Variants in SLC66A2 observed in about 807,000 individuals in gnomAD.
SLC66A2 encodes the protein solute carrier family 66 member 2.
A neutral mutation model predicts 25.5 loss-of-function variants in SLC66A2; 23 were observed. That is an observed-to-expected ratio of 0.90 (90% CI 0.65 to 1.28). SLC66A2 has a LOEUF of 1.28. SLC66A2 is among the 50% of genes most tolerant of loss of function. The pLI is 0.00. For synonymous variants in SLC66A2, 193 were observed against 166.5 expected (o/e 1.16, Z -1.23); for missense variants, 396 against 373.1 (o/e 1.06, Z -0.51).
chr18:79,907,530 T>C (rs1179646466), intron 5 of SLC66A2, among the ~76,000 whole-genome samples: 1 of 152,064 alleles, frequency 6.6e-6, no homozygotes, highest in Non-Finnish European at 1.5e-5. Context: ...GTTTTGTATT[T>C]TAGTAGAGAT....
chr18:79,933,611 A>C (rs1275406980), intron 4 of SLC66A2, among the ~76,000 whole-genome samples: 2 of 152,234 alleles, frequency 1.3e-5, no homozygotes, highest in African/African-American at 4.8e-5. Flanking sequence ...AGCAGAACTG[A>C]AATTAAGAAA....
At chr18:79,922,933 G>A (rs1294220769) in intron 4 of SLC66A2, among the ~76,000 whole-genome samples, 1 of 151,688 alleles carries the variant, frequency 6.6e-6, no homozygotes, top group South Asian at 2.1e-4. Context: ...TGGCAGTGCA[G>A]TGAGGGCAGG....
chr18:79,908,690 G>A (rs1350516606), intron 5 of SLC66A2, among the ~76,000 whole-genome samples: 1 of 152,010 alleles, frequency 6.6e-6, no homozygotes, highest in African/African-American at 2.4e-5. Flanking sequence ...TCATGTTTTT[G>A]TTACTGTTTT....
Position 79,943,390 on chromosome 18 carries a change from C to T in SLC66A2, c.276G>A (p.Leu92=). The change falls in exon 3 of 6, where the codon CTG becomes CTA. Residue 92 remains leucine (L), a synonymous_variant. Transcript: ENST00000397778. ...CCACACGGACCTCGGTGCACAGCTT[C>T]AGCATCAGCAGCATGGTCAGGATCA... is the stretch of plus-strand genomic sequence containing the variant. ...AIMILTMLLM[L]KLCTEVRVAN... The T allele has an allele frequency of 6.2e-7, 1 of 1,614,222 alleles. No homozygotes were observed. The highest frequency in any genetic ancestry group is 1.3e-5 in the African/African-American group (1 of 75,072).
chr18:79,922,882 C>T (rs1310844919), intron 4 of SLC66A2, among the ~76,000 whole-genome samples: 1 of 125,102 alleles, frequency 8.0e-6, no homozygotes, highest in Non-Finnish European at 1.7e-5. Context: ...CATCAGAGGG[C>T]AGAGAGGCCA....
At position 79,950,200 on chromosome 18, in the gene SLC66A2, C is replaced by CA. The variant is rs200671670; in HGVS notation, c.203+523dup. On this transcript the variant is annotated intron_variant, in intron 2 of 5. Transcript: ENST00000397778. ...CACTCCCCTGTCTCTACAAAAAATA[C>CA]AAAAAAAACAATTAGCCGGGTGTGG... is the stretch of plus-strand genomic sequence containing the variant. Among the ~76,000 whole-genome samples the CA allele has an allele frequency of 2.8e-3, 431 of 151,640 alleles. 8 individuals are homozygous for CA. The highest frequency in any genetic ancestry group is 3.4e-3 in the Middle Eastern group (1 of 294).
At chr18:79,945,668 G>A (rs541799606) in intron 2 of SLC66A2, among the ~76,000 whole-genome samples, 1 of 152,332 alleles carries the variant, frequency 6.6e-6, no homozygotes, top group South Asian at 2.1e-4. Context: ...GGCACAGGCC[G>A]GAGGTGCAGG....
intron 4 of SLC66A2, 138 bp downstream of exon 4, chr18:79,933,831 G>C: frequency 1.5e-6 from 1 of 679,698 alleles, no homozygotes; most frequent in East Asian, 2.9e-5. Context: ...GAGTTGATTA[G>C]TTTGCTGTAG....
chr18:79,912,520 G>A (rs1249536367), intron 5 of SLC66A2, among the ~76,000 whole-genome samples: 2 of 151,468 alleles, frequency 1.3e-5, no homozygotes, highest in African/African-American at 2.4e-5. Context: ...GTGTCGCCAG[G>A]CCACGTGTCA....
chr18:79,922,553 G>C (rs1985376885), intron 4 of SLC66A2, among the ~76,000 whole-genome samples: 2 of 152,032 alleles, frequency 1.3e-5, no homozygotes, highest in African/African-American at 4.8e-5. Context: ...CATCCCTCCT[G>C]CACGATGTCA....
Position 79,906,124 on chromosome 18 carries a change from A to C in SLC66A2, c.609-1941T>G, listed in dbSNP as rs189649354. Among the ~76,000 whole-genome samples the C allele has an allele frequency of 2.0e-4, 31 of 152,290 alleles. 1 individual carries two copies. The highest frequency in any genetic ancestry group is 2.4e-4 in the Non-Finnish European group (16 of 68,016). ...CAGAATATCCTCTTCCATACCAAAT[A>C]CTGGGGATCTGTGCTTTCTTGTCAT... On this transcript the variant is annotated intron_variant, in intron 5 of 5. Transcript: ENST00000397778.
intron 2 of SLC66A2, among the ~76,000 whole-genome samples, chr18:79,949,051 A>G (rs1166218217): frequency 6.6e-6 from 1 of 152,304 alleles, no homozygotes; most frequent in South Asian, 2.1e-4. Flanking sequence ...TGGCCCAGAG[A>G]CAAACCTCGA....
chr18:79,933,862 G>A, intron 4 of SLC66A2, 107 bp downstream of exon 4: 1 of 961,838 alleles, frequency 1.0e-6, no homozygotes, highest in Non-Finnish European at 1.6e-6. Context: ...GCTTGGTAAA[G>A]ATGACGCACG....
chr18:79,902,852 T>C lies in SLC66A2; in HGVS notation c.*1124A>G, dbSNP rs1320015425. 1 of 152,670 alleles carries C rather than the reference T, an allele frequency of 6.6e-6. No individual in the cohort carries two copies. Among genetic ancestry groups the C allele is most frequent in the Non-Finnish European group, 1.5e-5 (1 of 68,586 alleles). 9.5% of individuals were successfully genotyped at this position (152,670 alleles called of 1,614,324 possible). On this transcript the variant is annotated 3_prime_UTR_variant, in exon 6 of 6. Coordinates refer to ENST00000397778, the MANE Select transcript of SLC66A2 (RefSeq NM_025078.5). ...CTTGCAACGGGGTGGGGGCAGAGCG[T>C]GCGGTGACAAGGGTCAGACTGGCGG... is the stretch of plus-strand genomic sequence containing the variant.
rs1047137578 is a variant in SLC66A2 at position 79,917,057 on chromosome 18, G to T, written c.608+2127C>A. ...GTGCTGCTTGTGGTGAAGTGAGTGAGAACAGGAAAAGCACGTCCAATGTGT... is the reference window on the plus strand; with the variant it reads ...GTGCTGCTTGTGGTGAAGTGAGTGATAACAGGAAAAGCACGTCCAATGTGT... On this transcript the variant is annotated intron_variant, in intron 5 of 5. Transcript: ENST00000397778. This position sits in a 1 kb window ranked among gnomAD's most constrained non-coding sequence, Gnocchi z 6.0. 1.3e-5 allele frequency among the ~76,000 whole-genome samples: 2 copies of T among 152,254 alleles called. No homozygotes were observed. The highest frequency in any genetic ancestry group is 3.8e-4 in the East Asian group (2 of 5,206).
intron 2 of SLC66A2, among the ~76,000 whole-genome samples, chr18:79,948,047 G>A (rs1471191926): frequency 2.0e-5 from 3 of 152,312 alleles, no homozygotes; most frequent in East Asian, 1.9e-4. Flanking sequence ...CCATCTTCTG[G>A]AACACACTGG....
At chr18:79,921,240 G>T (rs1372365079) in intron 4 of SLC66A2, among the ~76,000 whole-genome samples, 1 of 5,650 alleles carries the variant, frequency 1.8e-4, no homozygotes, top group African/African-American at 1.9e-3. Context: ...AGGAACCGAG[G>T]GAGAGGTCAA....
chr18:79,950,157 C>T (rs1335950402), intron 2 of SLC66A2, among the ~76,000 whole-genome samples: 2 of 151,926 alleles, frequency 1.3e-5, no homozygotes, highest in Non-Finnish European at 2.9e-5. Flanking sequence ...GCCTGGGCAA[C>T]AAAGTGAGAC....
In SLC66A2 at chr18:79,927,591, C is replaced by G. The variant is rs895735125; in HGVS notation, c.391+6378G>C. 3.3e-5 allele frequency among the ~76,000 whole-genome samples: 5 copies of G among 152,116 alleles called. No homozygotes were observed. The highest frequency in any genetic ancestry group is 7.3e-5 in the Non-Finnish European group (5 of 68,030). ...GCAGGCGGCAACAGGGACAGGCAGA[C>G]GACACAGCTGGGGCCAGAGGACGAC... On this transcript the variant is annotated intron_variant, in intron 4 of 5. Coordinates refer to ENST00000397778, the MANE Select transcript of SLC66A2 (RefSeq NM_025078.5). This position sits in a 1 kb window ranked among gnomAD's most constrained non-coding sequence, Gnocchi z 6.2.
Sources: gnomAD v4.1 joint callset for allele counts (sites outside exome capture counted in the v4.1 genomes callset) on GRCh38, gnomAD v4.1.1 for gene constraint, Gnocchi (gnomAD v3.1) non-coding constraint, MANE v1.5 for transcripts, NCBI Gene and HGNC (gene_info 2026-07-23, HGNC 2026-07-21) for gene names.